CDH23: variants seen among roughly 807,000 people sequenced by gnomAD.
The protein encoded by CDH23 is cadherin-23.
Under a neutral mutation model 317.1 loss-of-function variants are expected in CDH23, and 189 were observed. The ratio of observed to expected loss-of-function variants is 0.60; its 90% CI spans 0.53 to 0.67. The LOEUF is 0.67. Ranked by LOEUF, CDH23 falls within the 30% of genes least tolerant of loss-of-function variation. The pLI, the probability that CDH23 is intolerant of heterozygous loss-of-function variation, is 0.00. For missense variants in CDH23, 4,401 were observed against 4,592.4 expected (o/e 0.96, Z 1.20); for synonymous variants, 1,839 against 1,876.8 (o/e 0.98, Z 0.52).
chr10:71,475,834 A>G (rs1428699723), intron 3 of CDH23, among the ~76,000 whole-genome samples: 1 of 152,372 alleles, frequency 6.6e-6, no homozygotes, highest in East Asian at 1.9e-4. Context: ...GCCTGGGGTC[A>G]GAAGCCTGCA....
chr10:71,517,558 T>G (rs1440165656), intron 6 of CDH23, among the ~76,000 whole-genome samples: 2 of 151,938 alleles, frequency 1.3e-5, no homozygotes, highest in African/African-American at 2.4e-5. Flanking sequence ...AGCGAGAAGC[T>G]GGGGGGGAGA....
At chr10:71,483,905 T>A (rs1336766175) in intron 3 of CDH23, among the ~76,000 whole-genome samples, 2 of 152,122 alleles carry the variant, frequency 1.3e-5, no homozygotes, top group Admixed American at 1.3e-4. Context: ...CACATGTGCC[T>A]GTGCACACAC....
chr10:71,555,667 T>A (rs1253389698), intron 6 of CDH23, among the ~76,000 whole-genome samples: 10 of 152,198 alleles, frequency 6.6e-5, no homozygotes, highest in African/African-American at 2.2e-4. Context: ...TCTACTGTCA[T>A]TCATTCTACA....
chr10:71,643,760 G>A (rs1862688039), intron 11 of CDH23, 101 bp from the exon 12 acceptor site: 1 of 737,080 alleles, frequency 1.4e-6, no homozygotes, highest in Admixed American at 1.8e-5. Context: ...ATGACCCAGG[G>A]TCTCACTGTC....
intron 3 of CDH23, among the ~76,000 whole-genome samples, chr10:71,450,771 A>C (rs1184833039): frequency 1.3e-5 from 2 of 152,058 alleles, no homozygotes; most frequent in Non-Finnish European, 2.9e-5. Context: ...CCCAGGGCTC[A>C]GCTCTTGTCT....
chr10:71,527,115 G>C (rs917197725), intron 6 of CDH23, among the ~76,000 whole-genome samples: 1 of 152,222 alleles, frequency 6.6e-6, no homozygotes, highest in Non-Finnish European at 1.5e-5. Context: ...CAGTGCCCTA[G>C]GTCAGCGTAG....
chr10:71,431,517 C>T (rs1016501834), intron 1 of CDH23, among the ~76,000 whole-genome samples: 5 of 152,334 alleles, frequency 3.3e-5, no homozygotes, highest in East Asian at 1.9e-4. Context: ...CATCTGCAGG[C>T]GCCTTCTTGC....
chr10:71,792,852 A>AATATATATATATATATATATATAT (rs1554874675), intron 47 of CDH23, among the ~76,000 whole-genome samples: 21 of 38,474 alleles, frequency 5.5e-4, no homozygotes, highest in East Asian at 4.0e-3. Flanking sequence ...AAAAAAAAAA[A>AATATATATATATATATATATATAT]ATATATATAT....
At chr10:71,484,348 C>T (rs1347988246) in intron 3 of CDH23, among the ~76,000 whole-genome samples, 3 of 152,376 alleles carry the variant, frequency 2.0e-5, no homozygotes, top group Admixed American at 2.0e-4. Context: ...CTTCCTCCAT[C>T]TCCCAGGGGA....
chr10:71,812,734 T>A, intron 67 of CDH23, 34 bp from the exon 68 acceptor site: 1 of 1,612,854 alleles, frequency 6.2e-7, no homozygotes, highest in Non-Finnish European at 8.5e-7. Flanking sequence ...GTGTGGGGTC[T>A]GCCTCTGCTC....
intron 38 of CDH23, among the ~76,000 whole-genome samples, chr10:71,771,053 A>C (rs1021694832): frequency 2.6e-5 from 4 of 152,224 alleles, no homozygotes; most frequent in African/African-American, 9.6e-5. Flanking sequence ...ATGAAGGAGA[A>C]GATGGGGTCT....
chr10:71,443,937 A>G (rs931689161), intron 2 of CDH23, among the ~76,000 whole-genome samples: 9 of 152,356 alleles, frequency 5.9e-5, no homozygotes, highest in South Asian at 2.1e-4. Flanking sequence ...GTCTGTGCAG[A>G]GCTCCCAGTG....
chr10:71,582,755 T>C (rs17531870), intron 9 of CDH23, among the ~76,000 whole-genome samples: 48,638 of 152,054 alleles, frequency 0.32, 8,065 homozygotes, highest in East Asian at 0.47. Context: ...CCACCCACAG[T>C]TGACCGAGGG....
At chr10:71,604,707 C>T (rs1278149789) in intron 9 of CDH23, among the ~76,000 whole-genome samples, 1 of 152,242 alleles carries the variant, frequency 6.6e-6, no homozygotes, top group Admixed American at 6.5e-5. Flanking sequence ...TCCATACTTA[C>T]CCCAGCCCTG....
chr10:71,463,066 T>C (rs1383787128), intron 3 of CDH23, among the ~76,000 whole-genome samples: 1 of 152,258 alleles, frequency 6.6e-6, no homozygotes, highest in Admixed American at 6.5e-5. Context: ...GGGGGGCGTA[T>C]ATTTTCACAA....
At chr10:71,709,926 T>C (rs961791327) in intron 27 of CDH23, among the ~76,000 whole-genome samples, 1 of 152,058 alleles carries the variant, frequency 6.6e-6, no homozygotes, top group African/African-American at 2.4e-5. Flanking sequence ...CTGTCTTACA[T>C]GGATGGTAGC....
At chr10:71,590,978 G>A (rs936126732) in intron 9 of CDH23, among the ~76,000 whole-genome samples, 1 of 151,566 alleles carries the variant, frequency 6.6e-6, no homozygotes, top group African/African-American at 2.4e-5. Flanking sequence ...AGGTCTTAAT[G>A]TGCCAGCTTC....
intron 1 of CDH23, among the ~76,000 whole-genome samples, chr10:71,398,428 AGTGTGTGTGTGTGTGTGT>A (rs143519061): frequency 9.2e-5 from 11 of 120,164 alleles, no homozygotes; most frequent in South Asian, 3.0e-4. Context: ...GAGACACAGG[AGTGTGTGTGTGTGTGTGT>A]GTGTGTGTGT....
At chr10:71,736,037 G>C (rs1839555547) in intron 34 of CDH23, among the ~76,000 whole-genome samples, 1 of 152,246 alleles carries the variant, frequency 6.6e-6, no homozygotes, top group Non-Finnish European at 1.5e-5. Context: ...TTGCGAGAAG[G>C]CTGGGAGGAG....
Sources: gnomAD v4.1 joint callset for allele counts (sites outside exome capture counted in the v4.1 genomes callset) on GRCh38, gnomAD v4.1.1 for gene constraint, MANE v1.5 for transcripts, NCBI Gene and HGNC (gene_info 2026-07-23, HGNC 2026-07-21) for gene names.